ICA1L: variants seen among roughly 807,000 people sequenced by gnomAD.
ICA1L encodes islet cell autoantigen 1-like protein.
A neutral mutation model predicts 61.3 loss-of-function variants in ICA1L; 50 were observed. The observed-to-expected ratio is 0.82, with a 90% CI of 0.65 to 1.03. The LOEUF is 1.03. ICA1L is among the 50% of genes least tolerant of loss of function. ICA1L has a pLI of 0.00. For missense variants in ICA1L, 508 were observed against 556.7 expected (o/e 0.91, Z 0.88); for synonymous variants, 161 against 191.3 (o/e 0.84, Z 1.31).
rs1158789044 is a variant in ICA1L at position 202,774,449 on chromosome 2, A to C, written c.*5084T>G. On this transcript the variant is annotated 3_prime_UTR_variant, in exon 13 of 13. Transcript: ENST00000358299. ...CTCCCCGTTCGTCCAGGCCAGCTCAAGAAACAACTTTTTCTTTCATGTTTT... is the reference window on the plus strand; with the variant it reads ...CTCCCCGTTCGTCCAGGCCAGCTCACGAAACAACTTTTTCTTTCATGTTTT... The C allele has an allele frequency of 1.8e-6, 1 of 564,512 alleles. No individual in the cohort carries two copies. Among genetic ancestry groups the C allele is most frequent in the Non-Finnish European group, 2.8e-6 (1 of 359,236 alleles). The allele number at this position is 564,512 out of a possible 1,614,324, so 35.0% of individuals were successfully genotyped here.
At chr2:202,786,184 C>T (rs1459150772) in intron 11 of ICA1L, among the ~76,000 whole-genome samples, 177 bp from the exon 12 acceptor site, 1 of 152,186 alleles carries the variant, frequency 6.6e-6, no homozygotes, top group African/African-American at 2.4e-5. Context: ...ATCTTAGTTT[C>T]AGATAGAGTT....
intron 1 of ICA1L, among the ~76,000 whole-genome samples, chr2:202,861,344 G>A (rs1378316014): frequency 2.3e-5 from 3 of 129,344 alleles, no homozygotes; most frequent in Admixed American, 9.3e-5. Context: ...GGCAGAGGTT[G>A]CAGTGAACCA....
chr2:202,801,596 T>G (rs11694728), intron 9 of ICA1L, among the ~76,000 whole-genome samples: 59,838 of 152,104 alleles, frequency 0.39, 13,286 homozygotes, highest in Middle Eastern at 0.66. Context: ...CTTTTTTCTC[T>G]GTTCTCCTGG....
At chr2:202,787,997 T>A (rs190486417) in intron 11 of ICA1L, among the ~76,000 whole-genome samples, 1 of 152,154 alleles carries the variant, frequency 6.6e-6, no homozygotes, top group East Asian at 1.9e-4. Flanking sequence ...CAAGCACAGA[T>A]AGATGCATCA....
chr2:202,861,059 G>A (rs926422880), intron 1 of ICA1L, among the ~76,000 whole-genome samples: 1 of 151,554 alleles, frequency 6.6e-6, no homozygotes, highest in African/African-American at 2.4e-5. Flanking sequence ...GTGAAACTCC[G>A]TCTCTACTAA....
At chr2:202,823,905 A>G (rs1194712551) in intron 3 of ICA1L, among the ~76,000 whole-genome samples, 1 of 152,242 alleles carries the variant, frequency 6.6e-6, no homozygotes. Flanking sequence ...CATGGCAGGT[A>G]GTCAAAAAAA....
At chr2:202,816,056 G>T in intron 6 of ICA1L, 47 bp from the exon 7 acceptor site, 1 of 1,188,822 alleles carries the variant, frequency 8.4e-7, no homozygotes, top group Non-Finnish European at 1.2e-6. Flanking sequence ...TCCCCTCCAT[G>T]ATTTTTTAAG....
chr2:202,868,759 G>T (rs917253276), intron 1 of ICA1L, among the ~76,000 whole-genome samples: 1 of 151,852 alleles, frequency 6.6e-6, no homozygotes, highest in Non-Finnish European at 1.5e-5. Context: ...CTGAGGTCAG[G>T]AGTTCGAGAC....
chr2:202,787,168 TA>T (rs1303180638), intron 11 of ICA1L, among the ~76,000 whole-genome samples: 1 of 152,236 alleles, frequency 6.6e-6, no homozygotes, highest in Non-Finnish European at 1.5e-5. Context: ...CTTAGCTATT[TA>T]AACTGTCTGA....
chr2:202,828,714 G>C (rs1259143978), intron 2 of ICA1L, 134 bp downstream of exon 2: 2 of 757,512 alleles, frequency 2.6e-6, no homozygotes, highest in African/African-American at 3.6e-5. Flanking sequence ...TTGACAGATG[G>C]ATACAACTAA....
chr2:202,862,004 T>A (rs1374881969), intron 1 of ICA1L, among the ~76,000 whole-genome samples: 2 of 143,352 alleles, frequency 1.4e-5, no homozygotes, highest in Non-Finnish European at 1.5e-5. Context: ...TATACACCAG[T>A]CCACCCACCA....
rs1378880364 is a variant in ICA1L, at chr2:202,774,513, G to A, written c.*5020C>T. ...TTTAGGTTATGGTCAGTGAGGTTTA[G>A]CCACAAGAGATATCACAGGAGAGAC... On this transcript the variant is annotated 3_prime_UTR_variant, in exon 13 of 13. Coordinates refer to ENST00000358299, the MANE Select transcript of ICA1L (RefSeq NM_001288622.3). The A allele has an allele frequency of 1.9e-5, 8 of 431,346 alleles. No individual in the cohort carries two copies. The highest frequency in any genetic ancestry group is 2.8e-5 in the Non-Finnish European group (7 of 246,450). 26.7% of individuals were successfully genotyped at this position (431,346 alleles called of 1,614,324 possible).
At chr2:202,811,982 C>G (rs1441772909) in intron 8 of ICA1L, among the ~76,000 whole-genome samples, 193 bp from the exon 9 acceptor site, 1 of 152,144 alleles carries the variant, frequency 6.6e-6, no homozygotes, top group Non-Finnish European at 1.5e-5. Flanking sequence ...CCTTTCACCC[C>G]TTATTCCTTC....
intron 1 of ICA1L, among the ~76,000 whole-genome samples, chr2:202,833,773 C>T (rs1247305784): frequency 6.6e-6 from 1 of 152,064 alleles, no homozygotes; most frequent in African/African-American, 2.4e-5. Context: ...ACTATTCAGC[C>T]TTTAAAAAGA....
rs1553539143 is a variant in ICA1L at position 202,864,647 on chromosome 2, G to GTGTGTGTGTGTGTGTA, written c.-8+6971_-8+6972insTACACACACACACACA. Among the ~76,000 whole-genome samples, 70 of 148,754 alleles carry GTGTGTGTGTGTGTGTA rather than the reference G, an allele frequency of 4.7e-4. 2 individuals are homozygous for GTGTGTGTGTGTGTGTA. Among genetic ancestry groups the GTGTGTGTGTGTGTGTA allele is most frequent in the Non-Finnish European group, 7.2e-4 (49 of 67,596 alleles). On this transcript the variant is annotated intron_variant, in intron 1 of 12. Coordinates refer to ENST00000358299, the MANE Select transcript of ICA1L (RefSeq NM_001288622.3). Reference sequence around the variant, plus strand: ...TATATATGTGTGTGTGTGTGTGTGTGTATATATATATATGGATAAAACATG... The same window carrying GTGTGTGTGTGTGTGTA: ...TATATATGTGTGTGTGTGTGTGTGTGTGTGTGTGTGTGTGTATATATATATATATGGATAAAACATG...
At chr2:202,786,614 G>C (rs1692593567) in intron 11 of ICA1L, 1 of 357,552 alleles carries the variant, frequency 2.8e-6, no homozygotes. Flanking sequence ...GTTCTAAAGA[G>C]TCAAGAAGGG....
intron 10 of ICA1L, among the ~76,000 whole-genome samples, chr2:202,795,257 C>G (rs1692891069): frequency 6.6e-6 from 1 of 151,888 alleles, no homozygotes; most frequent in Non-Finnish European, 1.5e-5. Context: ...TCCCAAAGTG[C>G]TGGGATTACA....
intron 2 of ICA1L, among the ~76,000 whole-genome samples, chr2:202,828,051 G>C (rs1452343709): frequency 6.6e-6 from 1 of 152,036 alleles, no homozygotes; most frequent in Non-Finnish European, 1.5e-5. Flanking sequence ...GCTTACCTGA[G>C]GTCAGGAGTT....
chr2:202,833,061 C>A (rs1004893409), intron 1 of ICA1L, among the ~76,000 whole-genome samples: 4 of 151,594 alleles, frequency 2.6e-5, no homozygotes, highest in African/African-American at 9.7e-5. Context: ...ACATCACAGA[C>A]AAACTGCTTA....
Sources: allele counts gnomAD v4.1 joint callset (sites outside exome capture counted in the v4.1 genomes callset), GRCh38; gene constraint gnomAD v4.1.1; transcripts MANE v1.5; gene names NCBI Gene and HGNC (gene_info 2026-07-23, HGNC 2026-07-21).